SESTD1: variants seen among roughly 807,000 people sequenced by gnomAD.
SESTD1 encodes SEC14 and spectrin domain containing 1, also known as SEC14 domain and spectrin repeat-containing protein 1.
A neutral mutation model predicts 101.7 loss-of-function variants in SESTD1; 43 were observed. The observed-to-expected ratio is 0.42, with a 90% CI of 0.33 to 0.55. SESTD1 has a LOEUF of 0.55. Among genes scored for constraint, SESTD1 ranks in the 20% least tolerant of loss-of-function variants. The probability of loss-of-function intolerance (pLI) is 0.07; values close to 1 mark genes in which losing one functional copy is unlikely to be tolerated. For synonymous variants in SESTD1, 283 were observed against 286.8 expected (o/e 0.99, Z 0.13); for missense variants, 647 against 815.1 (o/e 0.79, Z 2.51).
chr2:179,162,957 C>G (rs565954201), intron 5 of SESTD1, among the ~76,000 whole-genome samples: 86 of 148,922 alleles, frequency 5.8e-4, no homozygotes, highest in African/African-American at 2.0e-3. Flanking sequence ...CGCCACTGCA[C>G]TACAGCCTGG....
intron 9 of SESTD1, among the ~76,000 whole-genome samples, chr2:179,134,157 C>A (rs1199482000): frequency 7.4e-6 from 1 of 135,986 alleles, no homozygotes; most frequent in African/African-American, 2.5e-5. Context: ...ACCACAAATA[C>A]CAAGGGACAA....
rs186200562 is a variant in SESTD1, at chr2:179,193,100, G to C, written c.-25-1234C>G. On this transcript the variant is annotated intron_variant, in intron 1 of 17. Transcript: ENST00000428443. Reference sequence around the variant, plus strand: ...AACTCCAGAAACAGCCCTGCTCTAGGGGGTGGGAAAAAAAGGCAGTCTTTA... The same window carrying C: ...AACTCCAGAAACAGCCCTGCTCTAGCGGGTGGGAAAAAAAGGCAGTCTTTA... Among the ~76,000 whole-genome samples the C allele has an allele frequency of 6.0e-4, 91 of 152,072 alleles. No homozygotes were observed. The East Asian group carries it at 0.012, about 21-fold the overall frequency.
intron 1 of SESTD1, among the ~76,000 whole-genome samples, chr2:179,235,383 C>T (rs2065664269): frequency 6.6e-6 from 1 of 152,112 alleles, no homozygotes; most frequent in African/African-American, 2.4e-5. Context: ...GAAACCTATA[C>T]AGTAATTCTT....
At position 179,176,010 on chromosome 2, in the gene SESTD1, A is replaced by G. The variant is rs541914923; in HGVS notation, c.255+438T>C. On this transcript the variant is annotated intron_variant, in intron 4 of 17. Transcript: ENST00000428443. ...TATGTAGGAAATAGGGGACCAGAAG[A>G]GAAAGACATGCCAGAATCACCTGAG... Among the ~76,000 whole-genome samples, 3 of 152,336 alleles carry G rather than the reference A, an allele frequency of 2.0e-5. No homozygotes were observed. The South Asian group carries it at 6.2e-4, about 32-fold the overall frequency.
At chr2:179,232,013 A>C (rs1048697985) in intron 1 of SESTD1, among the ~76,000 whole-genome samples, 5 of 152,058 alleles carry the variant, frequency 3.3e-5, no homozygotes, top group African/African-American at 1.2e-4. Flanking sequence ...GACTGAAAAC[A>C]CTTATAAACT....
chr2:179,119,014 G>A (rs1360215266), intron 13 of SESTD1, among the ~76,000 whole-genome samples: 1 of 152,132 alleles, frequency 6.6e-6, no homozygotes, highest in Non-Finnish European at 1.5e-5. Context: ...TGCTTTCAGG[G>A]AGATAAAAAC....
chr2:179,225,984 T>C (rs527919815), intron 1 of SESTD1, among the ~76,000 whole-genome samples: 4 of 152,200 alleles, frequency 2.6e-5, no homozygotes, highest in Non-Finnish European at 4.4e-5. Context: ...TGGCCACTTA[T>C]TGATAATTGT....
intron 1 of SESTD1, among the ~76,000 whole-genome samples, chr2:179,231,119 T>G (rs2046980819): frequency 6.6e-6 from 1 of 152,168 alleles, no homozygotes; most frequent in Non-Finnish European, 1.5e-5. Flanking sequence ...ATTTTTAATA[T>G]GCAGGAACTC....
chr2:179,156,361 T>C (rs958506504), intron 5 of SESTD1, among the ~76,000 whole-genome samples: 1 of 152,208 alleles, frequency 6.6e-6, no homozygotes, highest in African/African-American at 2.4e-5. Context: ...GTAGTGGGAC[T>C]GCTGGATCAA....
chr2:179,118,723 C>T (rs894946485), intron 13 of SESTD1, among the ~76,000 whole-genome samples: 2 of 152,080 alleles, frequency 1.3e-5, no homozygotes, highest in African/African-American at 4.8e-5. Context: ...CATACATATA[C>T]TGTATTCAGG....
intron 4 of SESTD1, chr2:179,174,496 C>T (rs2105476929): frequency 2.2e-6 from 1 of 457,242 alleles, no homozygotes; most frequent in African/African-American, 2.0e-5. Context: ...AAAGGAAGAA[C>T]ACAAGGTCAT....
intron 9 of SESTD1, among the ~76,000 whole-genome samples, chr2:179,138,533 G>A (rs2105435561): frequency 6.6e-6 from 1 of 152,238 alleles, no homozygotes; most frequent in East Asian, 1.9e-4. Flanking sequence ...AAAGAACCCT[G>A]ACAAATAGTG....
intron 1 of SESTD1, among the ~76,000 whole-genome samples, chr2:179,204,672 A>C (rs779434439): frequency 7.4e-6 from 1 of 135,598 alleles, no homozygotes; most frequent in Non-Finnish European, 1.6e-5. Context: ...TTAGGTTGAC[A>C]TGCATACAGA....
At chr2:179,156,937 G>T (rs1262256442) in intron 5 of SESTD1, among the ~76,000 whole-genome samples, 1 of 152,130 alleles carries the variant, frequency 6.6e-6, no homozygotes, top group Non-Finnish European at 1.5e-5. Context: ...TTATCTTTTA[G>T]AATTTTTATA....
intron 5 of SESTD1, among the ~76,000 whole-genome samples, chr2:179,163,660 T>G (rs898591001): frequency 9.9e-5 from 15 of 151,632 alleles, no homozygotes; most frequent in African/African-American, 3.6e-4. Context: ...AAACATAAAG[T>G]TTTAAAAATA....
At chr2:179,195,749 T>C (rs1262080069) in intron 1 of SESTD1, among the ~76,000 whole-genome samples, 1 of 150,988 alleles carries the variant, frequency 6.6e-6, no homozygotes, top group Admixed American at 6.6e-5. Flanking sequence ...ACAGGTTACG[T>C]AAAGGTTACA....
intron 1 of SESTD1, 48 bp downstream of exon 1, chr2:179,264,451 G>C (rs12693181): frequency 0.39 from 58,205 of 150,298 alleles, 14,632 homozygotes; most frequent in African/African-American, 0.72. Flanking sequence ...ACCCGGCCGC[G>C]GGGCCTGCGC....
At position 179,198,168 on chromosome 2, in the gene SESTD1, T is replaced by C. The variant is rs867048615; in HGVS notation, c.-25-6302A>G. On this transcript the variant is annotated intron_variant, in intron 1 of 17. Transcript: ENST00000428443. ...AGGCAGGGGTTGCAATCCTAGTCTC[T>C]GACAAAACAGACTTTAAACCAACAA... Among the ~76,000 whole-genome samples the C allele has an allele frequency of 4.6e-5, 7 of 152,238 alleles. No individual in the cohort carries two copies. The South Asian group carries it at 1.2e-3, about 27-fold the overall frequency.
At chr2:179,196,638 G>C (rs1291359563) in intron 1 of SESTD1, among the ~76,000 whole-genome samples, 3 of 152,202 alleles carry the variant, frequency 2.0e-5, no homozygotes, top group Non-Finnish European at 4.4e-5. Context: ...CTCCTCAAGT[G>C]GGTCCCTGAC....
Sources: gnomAD v4.1 joint callset for allele counts (sites outside exome capture counted in the v4.1 genomes callset) on GRCh38, gnomAD v4.1.1 for gene constraint, MANE v1.5 for transcripts, NCBI Gene and HGNC (gene_info 2026-07-23, HGNC 2026-07-21) for gene names.